The following NXPH1 variants were observed in gnomAD, a reference collection of about 807,000 sequenced individuals.
NXPH1 encodes the protein neurexophilin-1.
NXPH1 carries 5 observed loss-of-function variants against 23.7 expected under a neutral mutation model. The ratio of observed to expected loss-of-function variants is 0.21; its 90% CI spans 0.11 to 0.44. The LOEUF (loss-of-function observed/expected upper bound fraction) is 0.44. NXPH1 is among the 20% of genes least tolerant of loss of function. NXPH1 has a pLI of 0.99. For synonymous variants in NXPH1, 144 were observed against 122.2 expected, an observed-to-expected ratio of 1.18 and a Z score of -1.18; for missense variants, 324 against 321.6, an observed-to-expected ratio of 1.01 and a Z score of -0.06.
intron 2 of NXPH1, among the ~76,000 whole-genome samples, chr7:8,526,265 T>A (rs2128616614): frequency 6.6e-6 from 1 of 152,360 alleles, no homozygotes; most frequent in South Asian, 2.1e-4. Context: ...TTTTGTCCAA[T>A]TCCTCCCATA....
At chr7:8,464,464 C>A (rs566088986) in intron 2 of NXPH1, among the ~76,000 whole-genome samples, 5 of 152,226 alleles carry the variant, frequency 3.3e-5, no homozygotes, top group Admixed American at 3.3e-4. Context: ...GTCTTTTTAC[C>A]CCACTACACT....
Position 8,433,702 on chromosome 7 carries a change from C to T in NXPH1, c.-1164C>T, listed in dbSNP as rs973241423. Reference sequence around the variant, plus strand: ...ACAGGTCGGAGGCGCCCGGCGTCGGCGCTCGAGGCCGGCAGGGGCGCCCTG... The same window carrying T: ...ACAGGTCGGAGGCGCCCGGCGTCGGTGCTCGAGGCCGGCAGGGGCGCCCTG... On this transcript the variant is annotated 5_prime_UTR_variant, in exon 1 of 3. Coordinates refer to ENST00000405863, the MANE Select transcript of NXPH1 (RefSeq NM_152745.3). The surrounding 1 kb of genome is among the most constrained non-coding windows in gnomAD (Gnocchi z 6.8). 3.3e-5 allele frequency among the ~76,000 whole-genome samples: 5 copies of T among 151,982 alleles called. No individual in the cohort carries two copies. The East Asian group carries it at 9.7e-4, about 29-fold the overall frequency.
intron 2 of NXPH1, among the ~76,000 whole-genome samples, chr7:8,554,641 C>A (rs1323823394): frequency 6.6e-6 from 1 of 151,662 alleles, no homozygotes; most frequent in African/African-American, 2.4e-5. Flanking sequence ...AAAAGAGGCT[C>A]TAGAGATACC....
chr7:8,506,753 A>T (rs566334309), intron 2 of NXPH1, among the ~76,000 whole-genome samples: 1 of 152,190 alleles, frequency 6.6e-6, no homozygotes, highest in East Asian at 1.9e-4. Context: ...TGGTGCTAGC[A>T]TATCAGGGGG....
chr7:8,579,250 T>G (rs10248829), intron 2 of NXPH1, among the ~76,000 whole-genome samples: 57,452 of 151,994 alleles, frequency 0.38, 13,018 homozygotes, highest in African/African-American at 0.65. Flanking sequence ...AAGAGAGGAA[T>G]AAAACAGATT....
At chr7:8,552,137 AAAAAAC>A in intron 2 of NXPH1, among the ~76,000 whole-genome samples, 1 of 150,402 alleles carries the variant, frequency 6.6e-6, no homozygotes, top group African/African-American at 2.4e-5. Flanking sequence ...AAAAAAAAAA[AAAAAAC>A]CACCAAAACC....
At chr7:8,517,451 T>C (rs1242783355) in intron 2 of NXPH1, among the ~76,000 whole-genome samples, 1 of 152,118 alleles carries the variant, frequency 6.6e-6, no homozygotes, top group Non-Finnish European at 1.5e-5. Context: ...TTCGGTGCTG[T>C]CAGATGTAAA....
chr7:8,480,992 C>T (rs1484550942), intron 2 of NXPH1, among the ~76,000 whole-genome samples: 2 of 152,158 alleles, frequency 1.3e-5, no homozygotes, highest in Non-Finnish European at 2.9e-5. Flanking sequence ...GCGTGAGAGG[C>T]TCAAACAGTG....
chr7:8,678,979 C>T (rs1219892967), intron 2 of NXPH1, among the ~76,000 whole-genome samples: 7 of 90,366 alleles, frequency 7.7e-5, no homozygotes, highest in African/African-American at 3.1e-4. Flanking sequence ...GACGGAGTCT[C>T]GCTCTGTCAC....
intron 2 of NXPH1, among the ~76,000 whole-genome samples, chr7:8,523,160 C>A (rs751528762): frequency 2.0e-5 from 3 of 152,152 alleles, no homozygotes; most frequent in Non-Finnish European, 4.4e-5. Flanking sequence ...CAGTTTAGTC[C>A]AGTACTTCCT....
intron 2 of NXPH1, among the ~76,000 whole-genome samples, chr7:8,736,662 G>A (rs1426904308): frequency 1.3e-5 from 2 of 152,192 alleles, no homozygotes; most frequent in Non-Finnish European, 2.9e-5. Flanking sequence ...GTCCATAGCT[G>A]AGTTCAAGTC....
chr7:8,450,064 T>C (rs1816478877), intron 2 of NXPH1, among the ~76,000 whole-genome samples: 3 of 152,200 alleles, frequency 2.0e-5, no homozygotes, highest in Non-Finnish European at 4.4e-5. Flanking sequence ...GACTGGGACA[T>C]AAAGTACAAC....
At chr7:8,648,769 T>G (rs1820436929) in intron 2 of NXPH1, among the ~76,000 whole-genome samples, 1 of 152,206 alleles carries the variant, frequency 6.6e-6, no homozygotes, top group African/African-American at 2.4e-5. Context: ...AACAAATTCA[T>G]TTTTATTTGT....
At chr7:8,465,476 G>GT (rs1447620207) in intron 2 of NXPH1, among the ~76,000 whole-genome samples, 1 of 152,168 alleles carries the variant, frequency 6.6e-6, no homozygotes, top group East Asian at 1.9e-4. Context: ...GGGAAGGATT[G>GT]TATGTGGGAT....
intron 2 of NXPH1, among the ~76,000 whole-genome samples, chr7:8,638,515 A>G (rs1485550125): frequency 6.6e-6 from 1 of 152,218 alleles, no homozygotes; most frequent in Non-Finnish European, 1.5e-5. Flanking sequence ...CACAGTAGAA[A>G]GCTTTAAAGA....
At chr7:8,638,625 G>C (rs996766902) in intron 2 of NXPH1, among the ~76,000 whole-genome samples, 2 of 152,098 alleles carry the variant, frequency 1.3e-5, no homozygotes. Context: ...CACTTAGAGG[G>C]GCTTTTAAGA....
chr7:8,497,227 T>G (rs548726421), intron 2 of NXPH1, among the ~76,000 whole-genome samples: 1 of 152,326 alleles, frequency 6.6e-6, no homozygotes, highest in African/African-American at 2.4e-5. Flanking sequence ...TTCCATGGTG[T>G]ATATGTGCCA....
intron 2 of NXPH1, among the ~76,000 whole-genome samples, chr7:8,526,749 C>T (rs1817867502): frequency 6.6e-6 from 1 of 152,114 alleles, no homozygotes; most frequent in Admixed American, 6.5e-5. Flanking sequence ...TGCCTTTTAC[C>T]TCCTGCCATG....
intron 2 of NXPH1, among the ~76,000 whole-genome samples, chr7:8,623,196 T>C (rs952284783): frequency 1.3e-5 from 2 of 152,088 alleles, no homozygotes; most frequent in East Asian, 3.8e-4. Flanking sequence ...AGTGCAGGGC[T>C]CTGCAGGTGC....
Sources: gnomAD v4.1 joint callset for allele counts (sites outside exome capture counted in the v4.1 genomes callset) on GRCh38, gnomAD v4.1.1 for gene constraint, Gnocchi (gnomAD v3.1) non-coding constraint, MANE v1.5 for transcripts, NCBI Gene and HGNC (gene_info 2026-07-23, HGNC 2026-07-21) for gene names.